Variants in MFAP1 observed in about 807,000 individuals in gnomAD.
MFAP1 encodes the protein microfibril associated protein 1, also known as microfibrillar-associated protein 1.
A neutral mutation model predicts 62.2 loss-of-function variants in MFAP1; 18 were observed. That is an observed-to-expected ratio of 0.29 (90% CI 0.20 to 0.43). MFAP1 has a LOEUF of 0.43. Among genes scored for constraint, MFAP1 ranks in the 20% least tolerant of loss-of-function variants. The pLI, the probability that MFAP1 is intolerant of heterozygous loss-of-function variation, is 1.00. For synonymous variants in MFAP1, 175 were observed against 180.4 expected (o/e 0.97, Z 0.24); for missense variants, 355 against 559.7 (o/e 0.63, Z 3.69).
In MFAP1 at chr15:43,806,366, T is replaced by G. The variant is rs76043433; in HGVS notation, c.1048-901A>C. ...CTCTTCTCTTTAACTTTTCTGTTAGTAGGACCAGCGTACTCTTCGATTACC... is the reference window on the plus strand; with the variant it reads ...CTCTTCTCTTTAACTTTTCTGTTAGGAGGACCAGCGTACTCTTCGATTACC... On this transcript the variant is annotated intron_variant, in intron 7 of 8. Coordinates refer to ENST00000267812, the MANE Select transcript of MFAP1 (RefSeq NM_005926.3). Among the ~76,000 whole-genome samples the G allele has an allele frequency of 5.3e-3, 807 of 152,298 alleles. 8 individuals are homozygous for G. The highest frequency in any genetic ancestry group is 0.019 in the African/African-American group (776 of 41,572).
intron 6 of MFAP1, among the ~76,000 whole-genome samples, chr15:43,810,799 C>T (rs891110021): frequency 6.6e-6 from 1 of 151,930 alleles, no homozygotes; most frequent in Non-Finnish European, 1.5e-5. Context: ...CTCTGTTGCC[C>T]AGGCTGGAGT....
At chr15:43,818,865 C>T (rs2087450807) in intron 1 of MFAP1, among the ~76,000 whole-genome samples, 1 of 152,084 alleles carries the variant, frequency 6.6e-6, no homozygotes, top group Admixed American at 6.6e-5. Context: ...TCACTTTAGC[C>T]TGAGTGATAG....
chr15:43,818,071 G>A (rs1490256457), intron 1 of MFAP1, among the ~76,000 whole-genome samples: 1 of 148,298 alleles, frequency 6.7e-6, no homozygotes, highest in East Asian at 2.0e-4. Flanking sequence ...CCAGGCTGGA[G>A]TGCAGTGGCG....
chr15:43,814,405 TAGATTTC>T, intron 4 of MFAP1, 89 bp downstream of exon 4: 5 of 1,393,572 alleles, frequency 3.6e-6, no homozygotes, highest in Non-Finnish European at 4.9e-6. Flanking sequence ...ACTCAGCGTT[TAGATTTC>T]AGAATAGCAA....
chr15:43,808,863 A>G (rs1475126515), intron 7 of MFAP1, among the ~76,000 whole-genome samples: 1 of 152,246 alleles, frequency 6.6e-6, no homozygotes, highest in African/African-American at 2.4e-5. Context: ...CTGCTTTAAC[A>G]TTAGGAAATA....
intron 6 of MFAP1, among the ~76,000 whole-genome samples, chr15:43,812,046 C>T (rs1447614779): frequency 1.3e-5 from 2 of 151,990 alleles, no homozygotes; most frequent in African/African-American, 4.8e-5. Flanking sequence ...GAAAATTAGC[C>T]AGGCATGGTG....
At position 43,805,023 on chromosome 15, in the gene MFAP1, A is replaced by G. The variant is rs2087353964; in HGVS notation, c.*71T>C. On this transcript the variant is annotated 3_prime_UTR_variant, in exon 9 of 9. Transcript: ENST00000267812. Reference sequence around the variant, plus strand: ...ATACAGGGGCCAAGGAAACAATGAAAAAACCAAATCAAGGACCAGATGCTG... The same window carrying G: ...ATACAGGGGCCAAGGAAACAATGAAGAAACCAAATCAAGGACCAGATGCTG... 1 of 1,482,498 alleles carries G rather than the reference A, an allele frequency of 6.7e-7. No homozygotes were observed. The highest frequency in any genetic ancestry group is 9.1e-7 in the Non-Finnish European group (1 of 1,102,380). 91.8% of individuals were successfully genotyped at this position (1,482,498 alleles called of 1,614,324 possible). A position where few individuals can be genotyped will look rare whatever the true frequency, so the allele number is the denominator to read the frequency against.
chr15:43,820,630 G>A (rs1216104627), intron 1 of MFAP1, among the ~76,000 whole-genome samples: 1 of 152,138 alleles, frequency 6.6e-6, no homozygotes, highest in Non-Finnish European at 1.5e-5. Context: ...TCTTGAGACA[G>A]GGTCTCACTC....
Position 43,809,928 on chromosome 15 carries a change from A to T in MFAP1, c.888-14T>A. Reference sequence around the variant, plus strand: ...TCCTTCTCAAGCCTGTCCAGGGAGCAAAACAATTTATTGGTACTGTTACAG... The same window carrying T: ...TCCTTCTCAAGCCTGTCCAGGGAGCTAAACAATTTATTGGTACTGTTACAG... On this transcript the variant is annotated splice_polypyrimidine_tract_variant and intron_variant, in intron 6 of 8. Transcript: ENST00000267812. 1 of 1,613,980 alleles carries T rather than the reference A, an allele frequency of 6.2e-7. No homozygotes were observed. Among genetic ancestry groups the T allele is most frequent in the Non-Finnish European group, 8.5e-7 (1 of 1,179,908 alleles).
rs1000840249 is a variant in MFAP1, at chr15:43,804,790, A to G, written c.*304T>C. ...AACCCAAGCTAAGGGCTGGAAAAAG[A>G]AAGTCAGAACAGTCCCAAGTAAATA... On this transcript the variant is annotated 3_prime_UTR_variant, in exon 9 of 9. Coordinates refer to ENST00000267812, the MANE Select transcript of MFAP1 (RefSeq NM_005926.3). The G allele has an allele frequency of 7.8e-6, 2 of 256,278 alleles. No individual in the cohort carries two copies. The highest frequency in any genetic ancestry group is 4.4e-5 in the African/African-American group (2 of 45,282). 15.9% of individuals were successfully genotyped at this position (256,278 alleles called of 1,614,324 possible).
chr15:43,809,214 A>T (rs2087383170), intron 7 of MFAP1, among the ~76,000 whole-genome samples: 2 of 151,986 alleles, frequency 1.3e-5, no homozygotes, highest in South Asian at 4.2e-4. Context: ...ATGATGGCTC[A>T]TGCCTGTATT....
chr15:43,813,307 T>A lies in MFAP1; in HGVS notation c.668A>T (p.Lys223Met), dbSNP rs2087414438. The change falls in exon 5 of 9, where the codon AAG (lysine) becomes ATG (methionine). Residue 223 changes from lysine (K) to methionine (M), a missense_variant. Physicochemically the swap from Lys to Met is moderately conservative, Grantham distance 95. This residue lies in a region of MFAP1 where 257 missense variants were observed against 341.3 expected (regional missense o/e 0.75). Transcript: ENST00000267812. ...GCGTTTTGCTTCCTGCTCCAGCTCC[T>A]TCTGTTTCAATGCTTCGGCTTCACG... ...QEREAEALKQ[K>M]ELEQEAKRMA... 6.2e-7 allele frequency: 1 copy of A among 1,611,924 alleles called. No individual in the cohort carries two copies. The highest frequency in any genetic ancestry group is 1.7e-5 in the Admixed American group (1 of 59,018).
At chr15:43,808,132 T>G (rs1043034446) in intron 7 of MFAP1, among the ~76,000 whole-genome samples, 3 of 152,258 alleles carry the variant, frequency 2.0e-5, no homozygotes, top group Non-Finnish European at 4.4e-5. Flanking sequence ...AATATTACAA[T>G]GCTGTGATAC....
chr15:43,812,759 G>A (rs1293581598), intron 6 of MFAP1, among the ~76,000 whole-genome samples: 1 of 152,214 alleles, frequency 6.6e-6, no homozygotes, highest in East Asian at 1.9e-4. Flanking sequence ...ACTAAAGGGA[G>A]CACTGGCTGG....
intron 1 of MFAP1, 67 bp downstream of exon 1, chr15:43,824,409 TGGTCTGTCCGGGAGA>T: frequency 7.4e-7 from 1 of 1,350,416 alleles, no homozygotes. Context: ...GGGGTTGGAG[TGGTCTGTCCGGGAGA>T]GGTCTGGAGG....
At chr15:43,822,785 C>T (rs973680361) in intron 1 of MFAP1, among the ~76,000 whole-genome samples, 2 of 152,150 alleles carry the variant, frequency 1.3e-5, no homozygotes, top group Non-Finnish European at 2.9e-5. Flanking sequence ...CCTGCTTTGG[C>T]TTCCCCCAAG....
chr15:43,814,364 C>T, intron 4 of MFAP1, 137 bp downstream of exon 4: 1 of 914,948 alleles, frequency 1.1e-6, no homozygotes, highest in South Asian at 1.8e-5. Flanking sequence ...AGCTAGTCTG[C>T]CAAGGGTAGA....
At position 43,813,034 on chromosome 15, in the gene MFAP1, T is replaced by C; in HGVS notation, c.840A>G (p.Lys280=). 6.2e-7 allele frequency: 1 copy of C among 1,614,204 alleles called. No individual in the cohort carries two copies. Among genetic ancestry groups the C allele is most frequent in the South Asian group, 1.1e-5 (1 of 91,084 alleles). Residue 280 remains lysine (K), a synonymous_variant, in exon 6 of 9, where the codon AAA becomes AAG. Coordinates refer to ENST00000267812, the MANE Select transcript of MFAP1 (RefSeq NM_005926.3). ...TCTTGATTCTTTTTAGCTCTCGAAC[T>C]TTCCATGCCTCATATTCCTCCTCAT... The part of the protein sequence containing the change: ...ENDEEEYEAW[K]VRELKRIKRD...
At position 43,806,298 on chromosome 15, in the gene MFAP1, A is replaced by G. The variant is rs185704746; in HGVS notation, c.1048-833T>C. 2.5e-3 allele frequency among the ~76,000 whole-genome samples: 383 copies of G among 152,352 alleles called. 2 individuals carry two copies. Among genetic ancestry groups the G allele is most frequent in the African/African-American group, 8.8e-3 (368 of 41,582 alleles). On this transcript the variant is annotated intron_variant, in intron 7 of 8. Transcript: ENST00000267812. ...TTATTGGGACTTGAAATGCACGTCT[A>G]AAGTGAAAACCATTTATTAATACCT...
Sources: allele counts gnomAD v4.1 joint callset (sites outside exome capture counted in the v4.1 genomes callset), GRCh38; gene constraint gnomAD v4.1.1; regional missense constraint gnomAD v4.1.1; transcripts MANE v1.5; gene names NCBI Gene and HGNC (gene_info 2026-07-23, HGNC 2026-07-21).